The following OR51B5 variants were observed in gnomAD, a reference collection of about 807,000 sequenced individuals.
OR51B5 encodes olfactory receptor family 51 subfamily B member 5.
For missense variants in OR51B5, 456 were observed against 374.6 expected, an observed-to-expected ratio of 1.22 and a Z score of -1.79; for synonymous variants, 186 against 144.8, an observed-to-expected ratio of 1.28 and a Z score of -2.04.
intron 1 of OR51B5, among the ~76,000 whole-genome samples, chr11:5,355,948 A>C (rs1589950402): frequency 6.6e-6 from 1 of 152,276 alleles, no homozygotes; most frequent in Non-Finnish European, 1.5e-5. Context: ...AACAAACAGA[A>C]AGGACATCCA....
At chr11:5,400,491 T>G (rs978275239) in intron 1 of OR51B5, among the ~76,000 whole-genome samples, 68 of 152,150 alleles carry the variant, frequency 4.5e-4, no homozygotes, top group Admixed American at 2.5e-3. Context: ...CAACTTAGCC[T>G]GGAAATTTTC....
At chr11:5,394,954 G>A (rs1849845072) in intron 1 of OR51B5, among the ~76,000 whole-genome samples, 1 of 152,042 alleles carries the variant, frequency 6.6e-6, no homozygotes, top group African/African-American at 2.4e-5. Flanking sequence ...CTTTTGTCTG[G>A]GAAAAGAAAA....
At chr11:5,408,083 A>C (rs1850086707) in intron 1 of OR51B5, among the ~76,000 whole-genome samples, 1 of 134,896 alleles carries the variant, frequency 7.4e-6, no homozygotes, top group African/African-American at 2.7e-5. Context: ...CTGAAGCTAC[A>C]TCTTACATCA....
At chr11:5,466,799 G>A (rs1851144666) in intron 1 of OR51B5, among the ~76,000 whole-genome samples, 1 of 152,154 alleles carries the variant, frequency 6.6e-6, no homozygotes, top group Non-Finnish European at 1.5e-5. Context: ...TTTCTTTGAG[G>A]CCACTTCTGT....
chr11:5,402,603 A>G (rs1389874861), intron 1 of OR51B5: 1 of 469,018 alleles, frequency 2.1e-6, no homozygotes, highest in Non-Finnish European at 4.4e-6. Context: ...CAACATGAAA[A>G]TTTCTAATAA....
chr11:5,416,533 G>A (rs1037825796), intron 1 of OR51B5, among the ~76,000 whole-genome samples: 9 of 151,540 alleles, frequency 5.9e-5, no homozygotes, highest in African/African-American at 2.2e-4. Flanking sequence ...AAACCCCATT[G>A]TCTCAGCCCA....
At chr11:5,408,036 G>T (rs1190783760) in intron 1 of OR51B5, among the ~76,000 whole-genome samples, 1 of 151,980 alleles carries the variant, frequency 6.6e-6, no homozygotes. Flanking sequence ...TTTTCACAGG[G>T]CTTATGATAC....
chr11:5,469,037 C>T (rs1367384217), intron 1 of OR51B5: 6 of 292,654 alleles, frequency 2.1e-5, no homozygotes, highest in Non-Finnish European at 1.4e-5. Flanking sequence ...CAGCGGGTTA[C>T]AGATGGCCAC....
At chr11:5,408,576 G>T (rs1052948677) in intron 1 of OR51B5, among the ~76,000 whole-genome samples, 1 of 152,096 alleles carries the variant, frequency 6.6e-6, no homozygotes, top group African/African-American at 2.4e-5. Context: ...GACTGGTCTG[G>T]CACTCACAGC....
intron 1 of OR51B5, among the ~76,000 whole-genome samples, chr11:5,428,154 A>G (rs531361953): frequency 6.8e-6 from 1 of 147,304 alleles, no homozygotes; most frequent in Non-Finnish European, 1.5e-5. Flanking sequence ...GACATGCTCA[A>G]CAAGTAAATT....
intron 1 of OR51B5, among the ~76,000 whole-genome samples, chr11:5,379,791 G>A (rs1297075882): frequency 6.6e-6 from 1 of 152,032 alleles, no homozygotes; most frequent in Non-Finnish European, 1.5e-5. Context: ...ACATATGGTG[G>A]ACAGCTTGAT....
At chr11:5,460,777 G>C (rs1851038320) in intron 1 of OR51B5, among the ~76,000 whole-genome samples, 1 of 152,188 alleles carries the variant, frequency 6.6e-6, no homozygotes, top group South Asian at 2.1e-4. Context: ...TGATGCCTTT[G>C]ATGATTTAAA....
intron 1 of OR51B5, chr11:5,403,149 C>A (rs116361956): frequency 1.3e-5 from 6 of 466,818 alleles, no homozygotes; most frequent in Admixed American, 1.2e-4. Context: ...ATTGTCTGCA[C>A]CCCAATCTTA....
chr11:5,390,758 C>T (rs1363846678), intron 1 of OR51B5: 1 of 170,088 alleles, frequency 5.9e-6, no homozygotes, highest in African/African-American at 2.4e-5. Flanking sequence ...CTCTAACTCA[C>T]CTCCGGAAAT....
At chr11:5,489,705 G>A (rs761732194) in intron 1 of OR51B5, 2 of 1,304,146 alleles carry the variant, frequency 1.5e-6, no homozygotes, top group Non-Finnish European at 2.2e-6. Context: ...AGTGTAGGAT[G>A]GCTGTCTAGA....
intron 1 of OR51B5, among the ~76,000 whole-genome samples, chr11:5,487,616 G>A (rs1354292711): frequency 3.3e-5 from 5 of 152,170 alleles, no homozygotes; most frequent in Admixed American, 3.3e-4. Context: ...AGGGATACAT[G>A]TTACTGAGAC....
At chr11:5,433,577 G>A (rs1850559815) in intron 1 of OR51B5, among the ~76,000 whole-genome samples, 1 of 152,176 alleles carries the variant, frequency 6.6e-6, no homozygotes, top group African/African-American at 2.4e-5. Flanking sequence ...GTATGGTCAG[G>A]AGAATGTACT....
intron 1 of OR51B5, among the ~76,000 whole-genome samples, chr11:5,360,189 C>A (rs1849259000): frequency 7.8e-6 from 1 of 128,120 alleles, no homozygotes; most frequent in African/African-American, 2.9e-5. Context: ...AAAGAAACTA[C>A]CATCAGAGTG....
intron 1 of OR51B5, among the ~76,000 whole-genome samples, chr11:5,350,051 T>G (rs969818770): frequency 2.6e-5 from 4 of 152,172 alleles, no homozygotes; most frequent in Admixed American, 1.3e-4. Context: ...CACCTCTGGG[T>G]GAATAATCCT....
Sources: allele counts gnomAD v4.1 joint callset (sites outside exome capture counted in the v4.1 genomes callset), GRCh38; gene constraint gnomAD v4.1.1; transcripts MANE v1.5; gene names NCBI Gene and HGNC (gene_info 2026-07-23, HGNC 2026-07-21).